Variants in DNAH7 observed in about 807,000 individuals in gnomAD.
DNAH7 encodes the protein dynein axonemal heavy chain 7, also known as axonemal beta dynein heavy chain 7.
A neutral mutation model predicts 444.6 loss-of-function variants in DNAH7; 397 were observed. The ratio of observed to expected loss-of-function variants is 0.89; its 90% confidence interval spans 0.82 to 0.97. The LOEUF (loss-of-function observed/expected upper bound fraction) is 0.97. Among genes scored for constraint, DNAH7 ranks in the 50% least tolerant of loss-of-function variants. DNAH7 has a pLI of 0.00. For synonymous variants in DNAH7, 1,636 were observed against 1,624.4 expected (o/e 1.01, Z -0.17); for missense variants, 4,902 against 4,800.8 (o/e 1.02, Z -0.62).
At chr2:196,024,861 C>T (rs1289984968) in intron 7 of DNAH7, among the ~76,000 whole-genome samples, 1 of 151,798 alleles carries the variant, frequency 6.6e-6, no homozygotes, top group Non-Finnish European at 1.5e-5. Context: ...TTCTATTTCA[C>T]CGAGAAAAGG....
chr2:195,951,652 A>T (rs1559263858), intron 19 of DNAH7, among the ~76,000 whole-genome samples: 1 of 151,998 alleles, frequency 6.6e-6, no homozygotes, highest in East Asian at 1.9e-4. Context: ...TAGGATAGTT[A>T]GCTCTTCTTG....
intron 14 of DNAH7, among the ~76,000 whole-genome samples, chr2:195,986,074 T>A (rs1408880862): frequency 6.6e-6 from 1 of 152,180 alleles, no homozygotes; most frequent in Non-Finnish European, 1.5e-5. Flanking sequence ...GGACTCCCAC[T>A]CTTCCTTCAA....
At chr2:195,786,742 A>G (rs1695643309) in intron 58 of DNAH7, among the ~76,000 whole-genome samples, 1 of 152,184 alleles carries the variant, frequency 6.6e-6, no homozygotes, top group Non-Finnish European at 1.5e-5. Context: ...GTATAATATT[A>G]TCATTTTTTG....
chr2:196,021,309 GT>G (rs1468316963), intron 8 of DNAH7, among the ~76,000 whole-genome samples: 1 of 152,024 alleles, frequency 6.6e-6, no homozygotes, highest in Non-Finnish European at 1.5e-5. Flanking sequence ...TAAATGTAAC[GT>G]TAGGCTTAAA....
chr2:195,858,515 A>G lies in DNAH7; in HGVS notation c.8026T>C (p.Leu2676=), dbSNP rs756322040. The change falls in exon 43 of 65, where the codon TTA becomes CTA. Residue 2676 remains leucine (L), a synonymous_variant. Transcript: ENST00000312428. ...DADLAGALPI[L]ESALAALDTL... is the part of the protein sequence containing the mutation. ...TCAAGGGCGGCCAGTGCTGACTCTA[A>G]TATTGGCAAGGCACCTGCCAGGTCA... The G allele has an allele frequency of 6.8e-6, 11 of 1,613,200 alleles. No individual in the cohort carries two copies. The Admixed American group carries it at 1.8e-4, about 27-fold the overall frequency.
chr2:195,844,898 T>C, intron 47 of DNAH7, 104 bp downstream of exon 47: 4 of 988,824 alleles, frequency 4.0e-6, no homozygotes, highest in Non-Finnish European at 5.8e-6. Flanking sequence ...AGTTAAGTAA[T>C]TTTTTAATAC....
chr2:195,880,367 C>T (rs2125166838), intron 36 of DNAH7, among the ~76,000 whole-genome samples: 1 of 144,298 alleles, frequency 6.9e-6, no homozygotes, highest in East Asian at 2.0e-4. Context: ...CTCACTCTGT[C>T]GCCCAGGCTG....
intron 63 of DNAH7, among the ~76,000 whole-genome samples, chr2:195,746,998 G>A (rs1693456196): frequency 6.6e-6 from 1 of 152,016 alleles, no homozygotes; most frequent in East Asian, 1.9e-4. Context: ...ACTAAAATCA[G>A]AGCAGAACTG....
At position 195,857,537 on chromosome 2, in the gene DNAH7, G is replaced by A. The variant is rs747984547; in HGVS notation, c.8254C>T (p.Leu2752Phe). The stretch of plus-strand genomic sequence containing the variant: ...ATATTGTCCTTGTCATATTCATGAA[G>A]TGACTGCAGAAACCTCATGTCACCA... ...LLGDMRFLQS[L>F]HEYDKDNIPP... The change falls in exon 44 of 65, where the codon CTT becomes TTT. Residue 2752 changes from leucine to phenylalanine, a missense_variant. By Grantham distance (22) the Leu-to-Phe change is conservative (BLOSUM62 0). Transcript: ENST00000312428. 4.3e-6 allele frequency: 7 copies of A among 1,613,942 alleles called. No individual in the cohort carries two copies. In the South Asian group the frequency reaches 7.7e-5, roughly 18 times the overall value.
chr2:195,817,105 T>C (rs1327101864), intron 50 of DNAH7, 142 bp from the exon 51 acceptor site: 2 of 625,794 alleles, frequency 3.2e-6, no homozygotes, highest in Non-Finnish European at 5.3e-6. Flanking sequence ...GGTGATGCCT[T>C]ATAATTAATT....
chr2:195,888,971 C>G lies in DNAH7; in HGVS notation c.5057G>C (p.Arg1686Thr). 2.5e-6 allele frequency: 4 copies of G among 1,612,540 alleles called. No individual in the cohort carries two copies. Among genetic ancestry groups the G allele is most frequent in the Non-Finnish European group, 3.4e-6 (4 of 1,179,532 alleles). ...TGGGCCATCAAAAATTAACCATTTCCTATCTGGAGTCTGTTTCATGCATAT... is the reference window on the plus strand; with the variant it reads ...TGGGCCATCAAAAATTAACCATTTCGTATCTGGAGTCTGTTTCATGCATAT... ...RAFASSVTPDRKWLIFDGPVD... is the reference protein window; with the variant it reads ...RAFASSVTPDTKWLIFDGPVD... Residue 1686 changes from arginine (R) to threonine (T), a missense_variant, in exon 32 of 65, where the codon AGG becomes ACG. By Grantham distance (71) the Arg-to-Thr change is moderately conservative. Coordinates refer to ENST00000312428, the MANE Select transcript of DNAH7 (RefSeq NM_018897.3).
rs1559196357 is a variant in DNAH7 at position 195,895,085 on chromosome 2, T to C, written c.4787A>G (p.Tyr1596Cys). The change falls in exon 30 of 65, where the codon TAT (tyrosine) becomes TGT (cysteine). Residue 1596 changes from tyrosine to cysteine, a missense_variant. Transcript: ENST00000312428. Reference sequence around the variant, plus strand: ...ACCATGACGCACAATCATCATTTCATATACTTGAAGAATCTTCTCGGAAAA... The same window carrying C: ...ACCATGACGCACAATCATCATTTCACATACTTGAAGAATCTTCTCGGAAAA... The part of the protein sequence containing the change: ...AFFSEKILQV[Y>C]EMMIVRHGFM... 9 of 1,612,788 alleles carry C rather than the reference T, an allele frequency of 5.6e-6. No individual in the cohort carries two copies. The highest frequency in any genetic ancestry group is 2.5e-6 in the Non-Finnish European group (3 of 1,179,314).
intron 15 of DNAH7, among the ~76,000 whole-genome samples, chr2:195,983,985 C>T (rs1438488046): frequency 2.0e-5 from 3 of 152,200 alleles, no homozygotes; most frequent in African/African-American, 4.8e-5. Flanking sequence ...TGTTCCAATA[C>T]TTCACCTCTC....
chr2:196,004,362 G>T (rs1029784756), intron 10 of DNAH7, among the ~76,000 whole-genome samples: 2 of 152,150 alleles, frequency 1.3e-5, no homozygotes, highest in Non-Finnish European at 2.9e-5. Flanking sequence ...CATGCAAGTT[G>T]CTTCTGAGAG....
At position 195,923,742 on chromosome 2, in the gene DNAH7, G is replaced by C; in HGVS notation, c.3678C>G (p.Gly1226=). ...QIDDIVTLVR[G]KLSMQNRVTL... ...TTACGCGATTCTGCATGGACAATTT[G>C]CCACGCACCAAAGTGACAATATCAT... The change falls in exon 23 of 65, where the codon GGC becomes GGG. Residue 1226 remains glycine (G), a synonymous_variant. Coordinates refer to ENST00000312428, the MANE Select transcript of DNAH7 (RefSeq NM_018897.3). 6.2e-7 allele frequency: 1 copy of C among 1,614,040 alleles called. No homozygotes were observed. Among genetic ancestry groups the C allele is most frequent in the Non-Finnish European group, 8.5e-7 (1 of 1,180,006 alleles).
rs1701860620 is a variant in DNAH7 at position 195,888,984 on chromosome 2, G to T, written c.5047-3C>A. The T allele has an allele frequency of 5.0e-6, 8 of 1,611,686 alleles. No individual in the cohort carries two copies. Among genetic ancestry groups the T allele is most frequent in the African/African-American group, 1.3e-5 (1 of 74,814 alleles). Reference sequence around the variant, plus strand: ...ATTAACCATTTCCTATCTGGAGTCTGTTTCATGCATATGTGAACAGAGGGC... The same window carrying T: ...ATTAACCATTTCCTATCTGGAGTCTTTTTCATGCATATGTGAACAGAGGGC... On this transcript the variant is annotated splice_region_variant and splice_polypyrimidine_tract_variant and intron_variant, in intron 31 of 64. Coordinates refer to ENST00000312428, the MANE Select transcript of DNAH7 (RefSeq NM_018897.3).
At chr2:195,778,769 G>A (rs1695229320) in intron 58 of DNAH7, among the ~76,000 whole-genome samples, 1 of 140,664 alleles carries the variant, frequency 7.1e-6, no homozygotes, top group Non-Finnish European at 1.5e-5. Flanking sequence ...GATCAGCAGT[G>A]TTACTTCACC....
chr2:195,926,480 T>A lies in DNAH7; in HGVS notation c.3558A>T (p.Val1186=). The A allele has an allele frequency of 1.9e-6, 3 of 1,605,040 alleles. No individual in the cohort carries two copies. The highest frequency in any genetic ancestry group is 2.6e-6 in the Non-Finnish European group (3 of 1,176,414). ...RDWPGQTVLC[V]SQIFWTKEVQ... ...CTTCTTTTGTCCAAAAGATTTGGGA[T>A]ACACAGAGAACAGTCTGTCCAGGCC... Residue 1186 remains valine, a synonymous_variant, in exon 22 of 65, where the codon GTA becomes GTT. Transcript: ENST00000312428.
intron 29 of DNAH7, among the ~76,000 whole-genome samples, chr2:195,896,775 T>C (rs959376609): frequency 6.6e-6 from 1 of 152,222 alleles, no homozygotes. Context: ...ACTCTTTCCT[T>C]GTTGATTTGC....
Sources: gnomAD v4.1 joint callset for allele counts (sites outside exome capture counted in the v4.1 genomes callset) on GRCh38, gnomAD v4.1.1 for gene constraint, MANE v1.5 for transcripts, NCBI Gene and HGNC (gene_info 2026-07-23, HGNC 2026-07-21) for gene names.